ELOVL6: variants seen among roughly 807,000 people sequenced by gnomAD.
ELOVL6 encodes the protein ELOVL fatty acid elongase 6, also known as very long chain fatty acid elongase 6.
In ELOVL6, 8 loss-of-function variants were observed where a neutral mutation model predicts 31.7. The ratio of observed to expected loss-of-function variants is 0.25; its 90% CI spans 0.15 to 0.45. ELOVL6 has a LOEUF of 0.45. ELOVL6 is among the 20% of genes least tolerant of loss of function. The pLI is 1.00. For synonymous variants in ELOVL6, 101 were observed against 117.7 expected, an observed-to-expected ratio of 0.86 and a Z score of 0.92; for missense variants, 126 against 326.4, an observed-to-expected ratio of 0.39 and a Z score of 4.73.
At chr4:110,092,275 C>G (rs548727798) in intron 2 of ELOVL6, among the ~76,000 whole-genome samples, 1 of 152,074 alleles carries the variant, frequency 6.6e-6, no homozygotes, top group African/African-American at 2.4e-5. Flanking sequence ...CTATTTAGAG[C>G]TTTGATTAAA....
chr4:110,094,431 AT>A (rs1756513037), intron 2 of ELOVL6, among the ~76,000 whole-genome samples: 2 of 59,290 alleles, frequency 3.4e-5, no homozygotes, highest in East Asian at 5.0e-4. Context: ...ATATATATAT[AT>A]ATATATATAT....
At chr4:110,192,934 T>C (rs1759666275) in intron 1 of ELOVL6, among the ~76,000 whole-genome samples, 1 of 152,186 alleles carries the variant, frequency 6.6e-6, no homozygotes, top group Non-Finnish European at 1.5e-5. Context: ...ATAGACACAC[T>C]ATATTCCTAC....
intron 2 of ELOVL6, among the ~76,000 whole-genome samples, chr4:110,097,968 G>A (rs926525268): frequency 6.6e-6 from 1 of 152,092 alleles, no homozygotes; most frequent in Non-Finnish European, 1.5e-5. Context: ...CGAAGTATTG[G>A]TATAGAAAAT....
intron 1 of ELOVL6, among the ~76,000 whole-genome samples, chr4:110,193,748 T>C (rs954847389): frequency 6.6e-6 from 1 of 152,168 alleles, no homozygotes; most frequent in African/African-American, 2.4e-5. Flanking sequence ...TAATACAGAA[T>C]ACAAAATGTT....
intron 2 of ELOVL6, among the ~76,000 whole-genome samples, chr4:110,067,533 A>C (rs1755339286): frequency 6.6e-6 from 1 of 152,208 alleles, no homozygotes; most frequent in Non-Finnish European, 1.5e-5. Flanking sequence ...GTGGAAGAAG[A>C]AGCAAACATG....
chr4:110,141,124 C>T (rs1757941464), intron 1 of ELOVL6, among the ~76,000 whole-genome samples: 1 of 152,078 alleles, frequency 6.6e-6, no homozygotes, highest in Admixed American at 6.5e-5. Flanking sequence ...AGTGCAATGG[C>T]ACGATCTCAG....
At chr4:110,081,507 T>G (rs1403380619) in intron 2 of ELOVL6, among the ~76,000 whole-genome samples, 1 of 152,140 alleles carries the variant, frequency 6.6e-6, no homozygotes, top group African/African-American at 2.4e-5. Flanking sequence ...ATTCCCTATT[T>G]AATAAATGGT....
At chr4:110,180,642 A>T (rs1759244241) in intron 1 of ELOVL6, among the ~76,000 whole-genome samples, 1 of 152,184 alleles carries the variant, frequency 6.6e-6, no homozygotes, top group Admixed American at 6.5e-5. Flanking sequence ...GAATCAAGCA[A>T]TTCTCCTGGC....
Position 110,047,412 on chromosome 4 carries a change from G to C in ELOVL6, c.*3926C>G, listed in dbSNP as rs1754721317. 1 of 151,350 alleles carries C rather than the reference G, an allele frequency of 6.6e-6. No homozygotes were observed. The highest frequency in any genetic ancestry group is 1.5e-5 in the Non-Finnish European group (1 of 67,932). The allele number at this position is 151,350 out of a possible 1,614,324, so 9.4% of individuals were successfully genotyped here. On this transcript the variant is annotated 3_prime_UTR_variant, in exon 4 of 4. Transcript: ENST00000302274. ...TGACACACACCGTGGTCTCTGAGTAGAGGCTGTACTATCAGAATAAAGAAA... is the reference window on the plus strand; with the variant it reads ...TGACACACACCGTGGTCTCTGAGTACAGGCTGTACTATCAGAATAAAGAAA...
chr4:110,063,573 G>A (rs1006326443), intron 2 of ELOVL6, among the ~76,000 whole-genome samples: 1 of 152,154 alleles, frequency 6.6e-6, no homozygotes, highest in Admixed American at 6.5e-5. Context: ...AGGGCTTGAA[G>A]GAGAGGCTGT....
intron 2 of ELOVL6, among the ~76,000 whole-genome samples, chr4:110,084,101 T>A (rs13146873): frequency 4.3e-5 from 4 of 92,100 alleles, no homozygotes; most frequent in African/African-American, 2.0e-4. Flanking sequence ...AACATATATA[T>A]GATATATATG....
Position 110,163,270 on chromosome 4 carries a change from G to A in ELOVL6, c.89+34977C>T, listed in dbSNP as rs192508340. Among the ~76,000 whole-genome samples, 406 of 152,318 alleles carry A rather than the reference G, an allele frequency of 2.7e-3. 3 individuals carry two copies. The highest frequency in any genetic ancestry group is 0.024 in the Middle Eastern group (7 of 294). ...GGTCTTCTCATTTGCTACTAGGTCA[G>A]ATGCCAATCCTTTAGTAAGGCTTTC... On this transcript the variant is annotated intron_variant, in intron 1 of 3. Coordinates refer to ENST00000302274, the MANE Select transcript of ELOVL6 (RefSeq NM_024090.3).
chr4:110,194,412 C>A (rs1759713153), intron 1 of ELOVL6, among the ~76,000 whole-genome samples: 1 of 152,112 alleles, frequency 6.6e-6, no homozygotes, highest in Non-Finnish European at 1.5e-5. Flanking sequence ...CAAGATGAGG[C>A]CCAGGATGAT....
chr4:110,060,638 T>C (rs574466060), intron 2 of ELOVL6, among the ~76,000 whole-genome samples: 1 of 152,170 alleles, frequency 6.6e-6, no homozygotes, highest in South Asian at 2.1e-4. Context: ...CACTTGGCAA[T>C]AGGAACAAGC....
intron 2 of ELOVL6, among the ~76,000 whole-genome samples, chr4:110,093,814 A>G (rs1756488769): frequency 1.3e-5 from 2 of 152,188 alleles, no homozygotes. Context: ...CTGGAATATG[A>G]CAGGCGTTAA....
intron 1 of ELOVL6, chr4:110,146,322 A>G (rs912536605): frequency 2.6e-5 from 4 of 152,248 alleles, no homozygotes; most frequent in African/African-American, 9.6e-5. Flanking sequence ...GATACCATGT[A>G]CAAAAATTAC....
At chr4:110,110,218 T>C (rs1378580865) in intron 1 of ELOVL6, among the ~76,000 whole-genome samples, 1 of 152,134 alleles carries the variant, frequency 6.6e-6, no homozygotes, top group African/African-American at 2.4e-5. Context: ...TTTTTGCCAA[T>C]ATGACATTTA....
At chr4:110,082,459 C>T (rs1755890823) in intron 2 of ELOVL6, among the ~76,000 whole-genome samples, 1 of 151,810 alleles carries the variant, frequency 6.6e-6, no homozygotes, top group African/African-American at 2.4e-5. Flanking sequence ...ATGGATGAAG[C>T]TGGAAACCAT....
At chr4:110,140,666 G>C (rs965697419) in intron 1 of ELOVL6, among the ~76,000 whole-genome samples, 1 of 151,792 alleles carries the variant, frequency 6.6e-6, no homozygotes, top group Non-Finnish European at 1.5e-5. Flanking sequence ...GATACTCAAA[G>C]TTTTAGCAAA....
Sources: allele counts gnomAD v4.1 joint callset (sites outside exome capture counted in the v4.1 genomes callset), GRCh38; gene constraint gnomAD v4.1.1; transcripts MANE v1.5; gene names NCBI Gene and HGNC (gene_info 2026-07-23, HGNC 2026-07-21).